The following TRIM28 variants were observed in gnomAD, a reference collection of about 807,000 sequenced individuals.
The protein encoded by TRIM28 is tripartite motif containing 28.
Under a neutral mutation model 87.4 loss-of-function variants are expected in TRIM28, and 8 were observed. That is an observed-to-expected ratio of 0.09 (90% CI 0.05 to 0.17). The LOEUF is 0.17. TRIM28 is among the 10% of genes least tolerant of loss of function. The pLI, the probability that TRIM28 is intolerant of heterozygous loss-of-function variation, is 1.00. For missense variants in TRIM28, 968 were observed against 1,131.8 expected (o/e 0.86, Z 2.08); for synonymous variants, 601 against 454.3 (o/e 1.32, Z -4.11).
Position 58,550,641 on chromosome 19 carries a change from C to T in TRIM28, c.*88C>T. 1 of 1,315,218 alleles carries T rather than the reference C, an allele frequency of 7.6e-7. No individual in the cohort carries two copies. The highest frequency in any genetic ancestry group is 1.0e-6 in the Non-Finnish European group (1 of 967,816). 81.5% of individuals were successfully genotyped at this position (1,315,218 alleles called of 1,614,324 possible). The stretch of plus-strand genomic sequence containing the variant: ...CTCCCCTGGTGGCCTGACTCCCACT[C>T]CCTGGTGGCCCCATCCCCCAGTTCC... On this transcript the variant is annotated 3_prime_UTR_variant, in exon 17 of 17. Coordinates refer to ENST00000253024, the MANE Select transcript of TRIM28 (RefSeq NM_005762.3).
intron 8 of TRIM28, 22 bp from the exon 9 acceptor site, chr19:58,548,464 C>A (rs192875942): frequency 6.2e-6 from 10 of 1,613,916 alleles, no homozygotes; most frequent in Middle Eastern, 1.6e-4. Context: ...CACCTACTTA[C>A]GTTTCTCTCT....
In TRIM28 at chr19:58,550,460, C is replaced by G. The variant is rs1222587619; in HGVS notation, c.2415C>G (p.Phe805Leu). The G allele has an allele frequency of 1.2e-6, 2 of 1,612,302 alleles. No homozygotes were observed. Among genetic ancestry groups the G allele is most frequent in the Non-Finnish European group, 1.7e-6 (2 of 1,180,018 alleles). Reference protein sequence around the residue: ...RMNEAFGDTKFSAVLVEPPPM... With the variant: ...RMNEAFGDTKLSAVLVEPPPM... Reference sequence around the variant, plus strand: ...ACGAGGCCTTCGGTGACACCAAGTTCTCTGCTGTGCTGGTGGAGCCCCCGC... The same window carrying G: ...ACGAGGCCTTCGGTGACACCAAGTTGTCTGCTGTGCTGGTGGAGCCCCCGC... Residue 805 changes from phenylalanine to leucine, a missense_variant, in exon 17 of 17, where the codon TTC becomes TTG. Around this residue, in one of 11 missense-constraint regions of TRIM28, gnomAD observed 192 missense variants for 225.6 expected, o/e 0.85. Transcript: ENST00000253024.
At chr19:58,545,690 G>A (rs147996001) in intron 2 of TRIM28, 74 bp from the exon 3 acceptor site, 1 of 1,569,448 alleles carries the variant, frequency 6.4e-7, no homozygotes, top group African/African-American at 1.4e-5. Flanking sequence ...TAAATCTCCG[G>A]TTGTATTTTC....
Position 58,545,710 on chromosome 19 carries a change from A to C in TRIM28, c.454-54A>C, listed in dbSNP as rs1324976627. On this transcript the variant is annotated intron_variant, in intron 2 of 16. Coordinates refer to ENST00000253024, the MANE Select transcript of TRIM28 (RefSeq NM_005762.3). ...CTCCGGTTGTATTTTCTGGGATGTA[A>C]ACGTGGATCTATCAAGTTGTCTTGC... 3 of 1,580,748 alleles carry C rather than the reference A, an allele frequency of 1.9e-6. No homozygotes were observed. The African/African-American group carries it at 4.0e-5, about 21-fold the overall frequency.
rs923491283 is a variant in TRIM28, at chr19:58,545,838, C to G, written c.528C>G (p.Thr176=). The G allele has an allele frequency of 5.0e-6, 8 of 1,611,912 alleles. No homozygotes were observed. In the African/African-American group the frequency reaches 1.1e-4, roughly 22 times the overall value. ...CVECSEPLCE[T]CVEAHQRVKY... is the part of the protein sequence containing the mutation. ...AGTGCTCGGAGCCTCTGTGTGAGAC[C>G]TGTGTAGAGGCGCACCAGCGGGTGA... The change falls in exon 3 of 17, where the codon ACC becomes ACG. Residue 176 remains threonine (T), a synonymous_variant. Coordinates refer to ENST00000253024, the MANE Select transcript of TRIM28 (RefSeq NM_005762.3).
chr19:58,544,653 C>T lies in TRIM28; in HGVS notation c.-105C>T, dbSNP rs1193595845. 2.6e-6 allele frequency: 1 copy of T among 391,396 alleles called. No homozygotes were observed. The highest frequency in any genetic ancestry group is 3.5e-6 in the Non-Finnish European group (1 of 289,044). 24.2% of individuals were successfully genotyped at this position (391,396 alleles called of 1,614,324 possible). A position where few individuals can be genotyped will look rare whatever the true frequency, so the allele number is the denominator to read the frequency against. On this transcript the variant is annotated 5_prime_UTR_variant, in exon 1 of 17. Transcript: ENST00000253024. ...CGCGTGGCGGCGCTCGGCCTCGCGGCGGCGGCGGCGGCAGCGGCCCAGCAG... is the reference window on the plus strand; with the variant it reads ...CGCGTGGCGGCGCTCGGCCTCGCGGTGGCGGCGGCGGCAGCGGCCCAGCAG...
Position 58,548,066 on chromosome 19 carries a change from G to A in TRIM28, c.987G>A (p.Glu329=). ...KVTEGQQERL[E]RQHWTMTKIQ... ...CTGAGGGGCAGCAGGAGCGCCTGGAGCGGCAGCACTGGACCATGACCAAGA... is the reference window on the plus strand; with the variant it reads ...CTGAGGGGCAGCAGGAGCGCCTGGAACGGCAGCACTGGACCATGACCAAGA... Residue 329 remains glutamate (E), a synonymous_variant, in exon 7 of 17, where the codon GAG becomes GAA. Coordinates refer to ENST00000253024, the MANE Select transcript of TRIM28 (RefSeq NM_005762.3). The A allele has an allele frequency of 6.2e-7, 1 of 1,614,196 alleles. No individual in the cohort carries two copies. The highest frequency in any genetic ancestry group is 8.5e-7 in the Non-Finnish European group (1 of 1,180,036).
In TRIM28 at chr19:58,550,595, T is replaced by C; in HGVS notation, c.*42T>C. The C allele has an allele frequency of 6.3e-7, 1 of 1,575,964 alleles. No homozygotes were observed. Among genetic ancestry groups the C allele is most frequent in the South Asian group, 1.1e-5 (1 of 89,708 alleles). On this transcript the variant is annotated 3_prime_UTR_variant, in exon 17 of 17. Coordinates refer to ENST00000253024, the MANE Select transcript of TRIM28 (RefSeq NM_005762.3). ...GCCAGCCCAGCCTGGCTCTGTTCTCTGTCCTGTCACCCCATCCCCACTCCC... is the reference window on the plus strand; with the variant it reads ...GCCAGCCCAGCCTGGCTCTGTTCTCCGTCCTGTCACCCCATCCCCACTCCC...
At position 58,549,089 on chromosome 19, in the gene TRIM28, C is replaced by T. The variant is rs763799897; in HGVS notation, c.1511C>T (p.Pro504Leu). The change falls in exon 12 of 17, where the codon CCC becomes CTC. Residue 504 changes from proline (P) to leucine (L), a missense_variant. Physicochemically the swap from Pro to Leu is moderately conservative, Grantham distance 98. Around this residue, in one of 11 missense-constraint regions of TRIM28, gnomAD observed 23 missense variants for 56.7 expected, o/e 0.41. Coordinates refer to ENST00000253024, the MANE Select transcript of TRIM28 (RefSeq NM_005762.3). The surrounding 1 kb of genome is among the most constrained non-coding windows in gnomAD (Gnocchi z 4.4). ...GACCTCACAGCTGACAGCCAGCCAC[C>T]CGTCTTCAAGGTCTTCCCAGGCAGT... ...DLDLTADSQP[P>L]VFKVFPGSTT... is the part of the protein sequence containing the mutation. 3 of 1,614,088 alleles carry T rather than the reference C, an allele frequency of 1.9e-6. No homozygotes were observed. The highest frequency in any genetic ancestry group is 2.5e-6 in the Non-Finnish European group (3 of 1,179,994).
rs1458409835 is a variant in TRIM28 at position 58,544,075 on chromosome 19, GGCTGGAGAC to G, written c.-681_-673del. Reference sequence around the variant, plus strand: ...TATCCCGAACTCTTAGTGACGCAGAGGCTGGAGACGACTCTACGGCGGCGAAGAGACGCG... The same window carrying G: ...TATCCCGAACTCTTAGTGACGCAGAGGACTCTACGGCGGCGAAGAGACGCG... On this transcript the variant is annotated 5_prime_UTR_variant, in exon 1 of 17. Transcript: ENST00000253024. The G allele has an allele frequency of 6.6e-6, 1 of 152,414 alleles. No individual in the cohort carries two copies. The highest frequency in any genetic ancestry group is 2.4e-5 in the African/African-American group (1 of 41,482). 9.4% of individuals were successfully genotyped at this position (152,414 alleles called of 1,614,324 possible). A position where few individuals can be genotyped will look rare whatever the true frequency, so the allele number is the denominator to read the frequency against.
chr19:58,549,087 A>C lies in TRIM28; in HGVS notation c.1509A>C (p.Pro503=), dbSNP rs200090794. 6.2e-6 allele frequency: 10 copies of C among 1,614,054 alleles called. No individual in the cohort carries two copies. The African/African-American group carries it at 8.0e-5, about 13-fold the overall frequency. The change falls in exon 12 of 17, where the codon CCA becomes CCC. Residue 503 remains proline, a synonymous_variant. Coordinates refer to ENST00000253024, the MANE Select transcript of TRIM28 (RefSeq NM_005762.3). The surrounding 1 kb of genome is among the most constrained non-coding windows in gnomAD (Gnocchi z 4.4). ...TGGACCTCACAGCTGACAGCCAGCC[A>C]CCCGTCTTCAAGGTCTTCCCAGGCA... ...LDLDLTADSQ[P]PVFKVFPGST...
intron 3 of TRIM28, among the ~76,000 whole-genome samples, chr19:58,546,640 A>G (rs552789962): frequency 6.5e-4 from 99 of 152,326 alleles, no homozygotes; most frequent in Admixed American, 1.2e-3. Context: ...GTCAGGGTGC[A>G]GGAATGAGTG....
At chr19:58,547,265 T>A in intron 3 of TRIM28, 111 bp from the exon 4 acceptor site, 1 of 1,409,974 alleles carries the variant, frequency 7.1e-7, no homozygotes, top group African/African-American at 1.4e-5. Flanking sequence ...ATCTTCCCAA[T>A]AAATGGCCCA....
At position 58,544,573 on chromosome 19, in the gene TRIM28, G is replaced by T. The variant is rs1412995133; in HGVS notation, c.-185G>T. 1 of 158,330 alleles carries T rather than the reference G, an allele frequency of 6.3e-6. No homozygotes were observed. Among genetic ancestry groups the T allele is most frequent in the East Asian group, 1.9e-4 (1 of 5,214 alleles). 9.8% of individuals were successfully genotyped at this position (158,330 alleles called of 1,614,324 possible). A position where few individuals can be genotyped will look rare whatever the true frequency, so the allele number is the denominator to read the frequency against. On this transcript the variant is annotated 5_prime_UTR_variant, in exon 1 of 17. Transcript: ENST00000253024. ...GGCGCCTTCGGGAGGCGAGCAGGCA[G>T]CAGTTGGCCGTGCCGTAGCAGCGTC...
Position 58,545,680 on chromosome 19 carries a change from TA to T in TRIM28, c.454-81del, listed in dbSNP as rs112920042. On this transcript the variant is annotated intron_variant, in intron 2 of 16. Coordinates refer to ENST00000253024, the MANE Select transcript of TRIM28 (RefSeq NM_005762.3). ...CTAGGTTGGGTCAAGGGACCAATCTTAAATCTCCGGTTGTATTTTCTGGGAT... is the reference window on the plus strand; with the variant it reads ...CTAGGTTGGGTCAAGGGACCAATCTTAATCTCCGGTTGTATTTTCTGGGAT... 3,536 of 1,563,006 alleles carry T rather than the reference TA, an allele frequency of 2.3e-3. 58 individuals carry two copies. The African/African-American group carries it at 0.037, about 17-fold the overall frequency.
rs1044045572 is a variant in TRIM28 at position 58,544,723 on chromosome 19, C to G, written c.-35C>G. ...CGCCTGCGCGGCGGGCCCCGCGCCC[C>G]TCCTCCCCCCCTGGGCGCCCCCGGC... On this transcript the variant is annotated 5_prime_UTR_variant, in exon 1 of 17. Coordinates refer to ENST00000253024, the MANE Select transcript of TRIM28 (RefSeq NM_005762.3). The G allele has an allele frequency of 8.0e-6, 8 of 994,406 alleles. No homozygotes were observed. The African/African-American group carries it at 1.2e-4, about 15-fold the overall frequency. 61.6% of individuals were successfully genotyped at this position (994,406 alleles called of 1,614,324 possible). A position where few individuals can be genotyped will look rare whatever the true frequency, so the allele number is the denominator to read the frequency against.
rs755900665 is a variant in TRIM28, at chr19:58,549,695, C to T, written c.1983-42C>T. On this transcript the variant is annotated intron_variant, in intron 13 of 16. Coordinates refer to ENST00000253024, the MANE Select transcript of TRIM28 (RefSeq NM_005762.3). The surrounding 1 kb of genome is among the most constrained non-coding windows in gnomAD (Gnocchi z 4.4). ...GGGTCAAGTCTGGGTGTTGGGCTGT[C>T]TGGACAGGATCATGTGCAGACCCTT... is the stretch of plus-strand genomic sequence containing the variant. The T allele has an allele frequency of 8.7e-6, 14 of 1,600,826 alleles. No homozygotes were observed. Among genetic ancestry groups the T allele is most frequent in the Middle Eastern group, 1.7e-4 (1 of 6,012 alleles).
intron 5 of TRIM28, 30 bp from the exon 6 acceptor site, chr19:58,547,762 C>G (rs1428342458): frequency 6.2e-7 from 1 of 1,613,686 alleles, no homozygotes; most frequent in Non-Finnish European, 8.5e-7. Context: ...CAGCAAGACC[C>G]TACCTAGCCT....
At chr19:58,547,736 T>TGG in intron 5 of TRIM28, 23 bp downstream of exon 5, 1 of 1,613,802 alleles carries the variant, frequency 6.2e-7, no homozygotes, top group Non-Finnish European at 8.5e-7. Flanking sequence ...TCTGGGGCTG[T>TGG]GGGGGTGGCC....
Sources: allele counts gnomAD v4.1 joint callset (sites outside exome capture counted in the v4.1 genomes callset), GRCh38; gene constraint gnomAD v4.1.1; regional missense constraint gnomAD v4.1.1; non-coding constraint Gnocchi (gnomAD v3.1); transcripts MANE v1.5; gene names NCBI Gene and HGNC (gene_info 2026-07-23, HGNC 2026-07-21).